Variants in SMIM35 observed in about 807,000 individuals in gnomAD.
The protein encoded by SMIM35 is TMPRSS4 antisense RNA 1 (non-protein coding).
intron 1 of SMIM35, among the ~76,000 whole-genome samples, chr11:118,073,868 C>T (rs1018346766): frequency 1.3e-5 from 2 of 152,378 alleles, no homozygotes; most frequent in South Asian, 2.1e-4. Context: ...TCCTGCAGAA[C>T]GTGTCTGAGC....
At chr11:118,014,007 C>T (rs1364415958) in intron 3 of SMIM35, 127 bp from the exon 4 acceptor site, 7 of 395,050 alleles carry the variant, frequency 1.8e-5, no homozygotes, top group Admixed American at 1.8e-4. Context: ...GGGCCACTTA[C>T]CATAATCATC....
intron 1 of SMIM35, among the ~76,000 whole-genome samples, chr11:118,032,780 C>T (rs1330696383): frequency 1.3e-5 from 2 of 152,002 alleles, no homozygotes; most frequent in East Asian, 1.9e-4. Flanking sequence ...TGGTGGCAGG[C>T]GCCTATAGTC....
At chr11:118,085,548 C>T (rs10892209) in intron 1 of SMIM35, among the ~76,000 whole-genome samples, 53,593 of 151,938 alleles carry the variant, frequency 0.35, 9,956 homozygotes, top group South Asian at 0.52. Context: ...AAAGTGAGTA[C>T]GATTCTTGAA....
chr11:118,034,815 G>A (rs2058346613), intron 1 of SMIM35, among the ~76,000 whole-genome samples: 1 of 152,206 alleles, frequency 6.6e-6, no homozygotes, highest in Admixed American at 6.5e-5. Context: ...AGGGGGACGA[G>A]GAGCCAACCA....
chr11:118,034,183 C>T (rs937460410), intron 1 of SMIM35, among the ~76,000 whole-genome samples: 4 of 69,050 alleles, frequency 5.8e-5, no homozygotes, highest in Admixed American at 3.9e-4. Flanking sequence ...GTAGGAGAAT[C>T]GCTTGAAACC....
chr11:118,080,743 C>G (rs984007497), intron 1 of SMIM35, among the ~76,000 whole-genome samples: 12 of 152,158 alleles, frequency 7.9e-5, no homozygotes, highest in African/African-American at 2.9e-4. Context: ...AGCTGGGGAA[C>G]TGCCGACAAG....
chr11:118,035,769 G>A (rs1025065285), intron 1 of SMIM35, among the ~76,000 whole-genome samples: 2 of 152,210 alleles, frequency 1.3e-5, no homozygotes, highest in African/African-American at 4.8e-5. Flanking sequence ...CAGCATGGGG[G>A]ATCCTCCAGG....
At chr11:118,046,491 A>G (rs1330552279) in intron 1 of SMIM35, among the ~76,000 whole-genome samples, 2 of 152,200 alleles carry the variant, frequency 1.3e-5, no homozygotes, top group Non-Finnish European at 2.9e-5. Flanking sequence ...CAGTCTTAAC[A>G]TCAGGTAGTT....
intron 1 of SMIM35, among the ~76,000 whole-genome samples, chr11:118,026,801 C>CT (rs2135047197): frequency 6.6e-6 from 1 of 151,904 alleles, no homozygotes; most frequent in East Asian, 1.9e-4. Flanking sequence ...GACCCTGTTT[C>CT]TTTTTTTAAA....
At chr11:118,048,505 T>C (rs1944139930) in intron 1 of SMIM35, among the ~76,000 whole-genome samples, 2 of 140,118 alleles carry the variant, frequency 1.4e-5, no homozygotes, top group Admixed American at 1.5e-4. Context: ...AGAGCGAGAC[T>C]CCATCTCAAT....
At chr11:118,021,053 T>G (rs1197942631) in intron 1 of SMIM35, among the ~76,000 whole-genome samples, 2 of 150,174 alleles carry the variant, frequency 1.3e-5, no homozygotes, top group African/African-American at 2.4e-5. Context: ...TAAGGTTTTT[T>G]TTTTTACTAT....
intron 1 of SMIM35, among the ~76,000 whole-genome samples, chr11:118,072,951 C>T (rs909533527): frequency 2.6e-5 from 4 of 152,202 alleles, no homozygotes; most frequent in East Asian, 1.9e-4. Flanking sequence ...GACGGAGTCT[C>T]GCTCTGTCAC....
intron 1 of SMIM35, among the ~76,000 whole-genome samples, chr11:118,017,852 G>A (rs953726577): frequency 6.6e-6 from 1 of 152,100 alleles, no homozygotes. Context: ...GCAAAAGCGG[G>A]GAAAGTCCCT....
chr11:118,083,086 C>A (rs1945281063), intron 1 of SMIM35, among the ~76,000 whole-genome samples: 2 of 152,186 alleles, frequency 1.3e-5, no homozygotes, highest in African/African-American at 4.8e-5. Context: ...TCGGTCGAAT[C>A]CCCCAGGGGT....
chr11:118,020,367 T>C (rs979048188), intron 1 of SMIM35, among the ~76,000 whole-genome samples: 1 of 152,228 alleles, frequency 6.6e-6, no homozygotes, highest in African/African-American at 2.4e-5. Flanking sequence ...TTATTCTGAG[T>C]ACTTTTCTCT....
intron 4 of SMIM35, among the ~76,000 whole-genome samples, chr11:118,012,386 C>T (rs1401930899): frequency 1.3e-5 from 2 of 152,222 alleles, no homozygotes; most frequent in Non-Finnish European, 2.9e-5. Context: ...CTGCTGTCTA[C>T]CAAACTACAG....
chr11:118,058,206 A>G (rs1473692090), intron 1 of SMIM35, among the ~76,000 whole-genome samples: 1 of 152,054 alleles, frequency 6.6e-6, no homozygotes, highest in African/African-American at 2.4e-5. Context: ...GGGCCAGGAG[A>G]GCAGGGTCCC....
intron 1 of SMIM35, among the ~76,000 whole-genome samples, chr11:118,050,139 A>G (rs1277453460): frequency 6.6e-6 from 1 of 152,202 alleles, no homozygotes; most frequent in African/African-American, 2.4e-5. Context: ...CAGGTGAGCC[A>G]CTCTGACCTT....
chr11:118,066,508 T>A (rs1358338082), intron 1 of SMIM35, among the ~76,000 whole-genome samples: 1 of 152,184 alleles, frequency 6.6e-6, no homozygotes, highest in Non-Finnish European at 1.5e-5. Flanking sequence ...GTCTCCAAAG[T>A]TCTTTGATCT....
Sources: allele counts gnomAD v4.1 joint callset (sites outside exome capture counted in the v4.1 genomes callset), GRCh38; gene constraint gnomAD v4.1.1; transcripts MANE v1.5; gene names NCBI Gene and HGNC (gene_info 2026-07-23, HGNC 2026-07-21).